GLIS1: variants seen among roughly 807,000 people sequenced by gnomAD.
GLIS1 encodes zinc finger protein GLIS1.
Under a neutral mutation model 63.8 loss-of-function variants are expected in GLIS1, and 24 were observed. The observed-to-expected ratio is 0.38, with a 90% CI of 0.27 to 0.53. The LOEUF (loss-of-function observed/expected upper bound fraction) is 0.53. Among genes scored for constraint, GLIS1 ranks in the 20% least tolerant of loss-of-function variants. GLIS1 has a pLI of 0.85. For missense variants in GLIS1, 1,036 were observed against 1,074.1 expected (o/e 0.96, Z 0.50); for synonymous variants, 450 against 482.5 (o/e 0.93, Z 0.88).
chr1:53,616,671 G>C (rs1645485635), intron 2 of GLIS1, among the ~76,000 whole-genome samples: 1 of 152,106 alleles, frequency 6.6e-6, no homozygotes, highest in African/African-American at 2.4e-5. Flanking sequence ...GGGTCTCCAT[G>C]AGAAGGACTG....
chr1:53,722,787 T>C (rs1213403711), intron 2 of GLIS1, among the ~76,000 whole-genome samples: 3 of 149,074 alleles, frequency 2.0e-5, no homozygotes, highest in Non-Finnish European at 4.5e-5. Flanking sequence ...GAGCTGTGAT[T>C]GGGCCACTGC....
intron 10 of GLIS1, among the ~76,000 whole-genome samples, chr1:53,507,723 G>T (rs1333094048): frequency 6.6e-6 from 1 of 152,212 alleles, no homozygotes; most frequent in East Asian, 1.9e-4. Flanking sequence ...GTGGGCACTG[G>T]GGAGAGGGGA....
intron 2 of GLIS1, among the ~76,000 whole-genome samples, chr1:53,635,606 T>C (rs1208551585): frequency 2.7e-5 from 4 of 148,964 alleles, no homozygotes; most frequent in African/African-American, 9.8e-5. Flanking sequence ...GTCAGCAATA[T>C]AGAAAATATA....
At chr1:53,624,152 C>A (rs61775441) in intron 2 of GLIS1, among the ~76,000 whole-genome samples, 1 of 152,170 alleles carries the variant, frequency 6.6e-6, no homozygotes, top group African/African-American at 2.4e-5. Context: ...AGACTTTCTA[C>A]AAATCTACAG....
At chr1:53,652,528 T>C (rs1645920375) in intron 2 of GLIS1, among the ~76,000 whole-genome samples, 3 of 152,268 alleles carry the variant, frequency 2.0e-5, no homozygotes, top group South Asian at 4.2e-4. Context: ...GAACAGTTTA[T>C]ATGTCCATGT....
intron 8 of GLIS1, among the ~76,000 whole-genome samples, chr1:53,513,965 T>C (rs887714803): frequency 6.6e-6 from 1 of 151,816 alleles, no homozygotes; most frequent in African/African-American, 2.4e-5. Flanking sequence ...AGGGCAGGAG[T>C]GTGGGGCTGG....
At chr1:53,736,405 G>T (rs909117523) in intron 2 of GLIS1, among the ~76,000 whole-genome samples, 11 of 152,186 alleles carry the variant, frequency 7.2e-5, no homozygotes, top group African/African-American at 2.4e-4. Flanking sequence ...ATCTTCAGAG[G>T]ACAGCCATGA....
At chr1:53,696,161 C>T (rs1479266998) in intron 2 of GLIS1, among the ~76,000 whole-genome samples, 2 of 152,244 alleles carry the variant, frequency 1.3e-5, no homozygotes, top group East Asian at 1.9e-4. Context: ...ATGCTTTGCT[C>T]GGCACAGGCC....
rs940201311 is a variant in GLIS1, at chr1:53,511,329, A to C, written c.1884-1302T>G. On this transcript the variant is annotated intron_variant, in intron 8 of 10. Coordinates refer to ENST00000628545, the MANE Select transcript of GLIS1 (RefSeq NM_001367484.1). This position sits in a 1 kb window ranked among gnomAD's most constrained non-coding sequence, Gnocchi z 4.2. The stretch of plus-strand genomic sequence containing the variant: ...GACACCAAGTATTGACAAACAGATC[A>C]GTGCCTCTCTGAAGGAAGCAGGGCT... Among the ~76,000 whole-genome samples the C allele has an allele frequency of 6.6e-6, 1 of 152,216 alleles. No individual in the cohort carries two copies. Among genetic ancestry groups the C allele is most frequent in the African/African-American group, 2.4e-5 (1 of 41,452 alleles).
chr1:53,659,419 T>C (rs957321529), intron 2 of GLIS1, among the ~76,000 whole-genome samples: 1 of 152,114 alleles, frequency 6.6e-6, no homozygotes, highest in African/African-American at 2.4e-5. Context: ...CCTCTTAGAT[T>C]AGAGAATGTC....
intron 4 of GLIS1, among the ~76,000 whole-genome samples, chr1:53,581,774 C>T (rs1432299002): frequency 2.6e-5 from 4 of 152,090 alleles, no homozygotes; most frequent in Non-Finnish European, 4.4e-5. Context: ...GAGGAACAGC[C>T]GGAACAGAGC....
chr1:53,672,151 G>A (rs952978943), intron 2 of GLIS1, among the ~76,000 whole-genome samples: 5 of 152,312 alleles, frequency 3.3e-5, no homozygotes, highest in Admixed American at 6.5e-5. Flanking sequence ...TTCCGATCCA[G>A]GTGCCAAAAT....
rs746211435 is a variant in GLIS1 at position 53,514,628 on chromosome 1, T to C, written c.1880A>G (p.Asp627Gly). 6.2e-7 allele frequency: 1 copy of C among 1,612,808 alleles called. No homozygotes were observed. Among genetic ancestry groups the C allele is most frequent in the Admixed American group, 1.7e-5 (1 of 59,886 alleles). ...SPLPMAESTRDGLGPGLLSPI... is the reference protein window; with the variant it reads ...SPLPMAESTRGGLGPGLLSPI... ...AGGACTGGCCTGGTGTACATACCCA[T>C]CCCGGGTGCTCTCAGCCATGGGCAG... The change falls in exon 8 of 11, where the codon GAT becomes GGT. Residue 627 changes from aspartate (D) to glycine (G), a missense_variant. Around this residue, in one of 3 missense-constraint regions of GLIS1, gnomAD observed 400 missense variants for 400.9 expected, o/e 1.00. Coordinates refer to ENST00000628545, the MANE Select transcript of GLIS1 (RefSeq NM_001367484.1).
chr1:53,511,736 C>T lies in GLIS1; in HGVS notation c.1884-1709G>A, dbSNP rs1028111798. On this transcript the variant is annotated intron_variant, in intron 8 of 10. Transcript: ENST00000628545. This position sits in a 1 kb window ranked among gnomAD's most constrained non-coding sequence, Gnocchi z 4.2. ...ACTAGAAACCGTGGACAGCTGTGCA[C>T]GAGCTGTGTGTTCTCATGACCAGTT... Among the ~76,000 whole-genome samples, 2 of 152,228 alleles carry T rather than the reference C, an allele frequency of 1.3e-5. No homozygotes were observed. The highest frequency in any genetic ancestry group is 2.4e-5 in the African/African-American group (1 of 41,452).
At chr1:53,693,745 G>A (rs1020137038) in intron 2 of GLIS1, among the ~76,000 whole-genome samples, 7 of 152,142 alleles carry the variant, frequency 4.6e-5, no homozygotes, top group East Asian at 3.9e-4. Context: ...CCGGGATGTC[G>A]AGGCCGGGCT....
At chr1:53,592,456 A>G (rs1305929105) in intron 4 of GLIS1, among the ~76,000 whole-genome samples, 1 of 152,040 alleles carries the variant, frequency 6.6e-6, no homozygotes, top group African/African-American at 2.4e-5. Flanking sequence ...CCCATAAAAG[A>G]GAATATGTGA....
chr1:53,738,348 C>G (rs768181500), intron 1 of GLIS1, among the ~76,000 whole-genome samples: 6 of 152,190 alleles, frequency 3.9e-5, no homozygotes, highest in Non-Finnish European at 7.4e-5. Context: ...CGCGCCGCGG[C>G]GCATTACCGC....
At chr1:53,618,947 T>C (rs577399705) in intron 2 of GLIS1, among the ~76,000 whole-genome samples, 24 of 152,332 alleles carry the variant, frequency 1.6e-4, no homozygotes, top group Middle Eastern at 3.4e-3. Flanking sequence ...AACCAGACCC[T>C]AGGCTTCAGT....
At chr1:53,655,407 C>G (rs1041394668) in intron 2 of GLIS1, among the ~76,000 whole-genome samples, 15 of 152,184 alleles carry the variant, frequency 9.9e-5, no homozygotes, top group African/African-American at 2.7e-4. Context: ...CAAATGCATT[C>G]TACCACATGC....
Sources: allele counts gnomAD v4.1 joint callset (sites outside exome capture counted in the v4.1 genomes callset), GRCh38; gene constraint gnomAD v4.1.1; regional missense constraint gnomAD v4.1.1; non-coding constraint Gnocchi (gnomAD v3.1); transcripts MANE v1.5; gene names NCBI Gene and HGNC (gene_info 2026-07-23, HGNC 2026-07-21).